PELI2: variants seen among roughly 807,000 people sequenced by gnomAD.
The protein encoded by PELI2 is E3 ubiquitin-protein ligase pellino homolog 2.
Under a neutral mutation model 42.3 loss-of-function variants are expected in PELI2, and 23 were observed. The ratio of observed to expected loss-of-function variants is 0.54; its 90% CI spans 0.39 to 0.77. The LOEUF is 0.77. PELI2 is among the 30% of genes least tolerant of loss of function. The pLI is 0.00. For missense variants in PELI2, 463 were observed against 553.2 expected, an observed-to-expected ratio of 0.84 and a Z score of 1.64; for synonymous variants, 245 against 212.2, an observed-to-expected ratio of 1.15 and a Z score of -1.34.
chr14:56,279,578 T>C (rs1436140356), intron 2 of PELI2, 98 bp from the exon 3 acceptor site: 2 of 630,898 alleles, frequency 3.2e-6, no homozygotes, highest in Admixed American at 2.4e-5. Flanking sequence ...TGGCTTGTGC[T>C]GGGCTTTGCC....
intron 1 of PELI2, among the ~76,000 whole-genome samples, chr14:56,173,278 G>A (rs1219663835): frequency 6.6e-6 from 1 of 152,102 alleles, no homozygotes; most frequent in Non-Finnish European, 1.5e-5. Flanking sequence ...TTAAAACCAG[G>A]GTTCTTACCT....
intron 2 of PELI2, among the ~76,000 whole-genome samples, chr14:56,238,376 C>A (rs4343188): frequency 0.42 from 63,849 of 152,014 alleles, 13,814 homozygotes; most frequent in South Asian, 0.53. Flanking sequence ...CATTAATTAG[C>A]ATTCCTGCTG....
intron 1 of PELI2, among the ~76,000 whole-genome samples, chr14:56,161,262 A>G (rs1398305395): frequency 3.4e-5 from 5 of 146,592 alleles, no homozygotes; most frequent in African/African-American, 7.5e-5. Context: ...AGTCCTTTTT[A>G]TTAGCATTTG....
At chr14:56,204,281 C>T (rs949764428) in intron 2 of PELI2, among the ~76,000 whole-genome samples, 1 of 152,080 alleles carries the variant, frequency 6.6e-6, no homozygotes, top group Non-Finnish European at 1.5e-5. Context: ...TGTTTTAGAC[C>T]GAATTGGTGG....
At chr14:56,220,182 C>G (rs1162472661) in intron 2 of PELI2, among the ~76,000 whole-genome samples, 1 of 152,180 alleles carries the variant, frequency 6.6e-6, no homozygotes, top group African/African-American at 2.4e-5. Flanking sequence ...CTCAGTGTGA[C>G]AGAGCACTGT....
At chr14:56,161,256 C>G (rs537441852) in intron 1 of PELI2, among the ~76,000 whole-genome samples, 1 of 150,118 alleles carries the variant, frequency 6.7e-6, no homozygotes, top group Non-Finnish European at 1.5e-5. Flanking sequence ...TTTCTAAGTC[C>G]TTTTTATTAG....
rs1364665256 is a variant in PELI2, at chr14:56,300,892, A to G, written c.*3726A>G. On this transcript the variant is annotated 3_prime_UTR_variant, in exon 6 of 6. Transcript: ENST00000267460. ...ATAATCTAAGCATCATTGAAGCAGT[A>G]ACACAAAAAAAAGGTTCAGTATTTT... The G allele has an allele frequency of 6.6e-6, 1 of 152,218 alleles. No homozygotes were observed. Among genetic ancestry groups the G allele is most frequent in the Non-Finnish European group, 1.5e-5 (1 of 68,030 alleles). 9.4% of individuals were successfully genotyped at this position (152,218 alleles called of 1,614,324 possible).
At chr14:56,218,610 A>T (rs975567408) in intron 2 of PELI2, among the ~76,000 whole-genome samples, 1 of 152,144 alleles carries the variant, frequency 6.6e-6, no homozygotes, top group Admixed American at 6.5e-5. Flanking sequence ...TCCCTAGGAG[A>T]TGGAAATGGA....
intron 1 of PELI2, among the ~76,000 whole-genome samples, chr14:56,149,571 C>T (rs566818844): frequency 2.0e-4 from 31 of 152,026 alleles, no homozygotes; most frequent in Non-Finnish European, 4.1e-4. Flanking sequence ...GGTTCAGTTT[C>T]CTTGGAGATT....
intron 2 of PELI2, among the ~76,000 whole-genome samples, chr14:56,217,599 G>A (rs1480597099): frequency 6.6e-6 from 1 of 152,162 alleles, no homozygotes; most frequent in African/African-American, 2.4e-5. Flanking sequence ...AGTTTTTGAG[G>A]TTTGCATTAA....
At chr14:56,236,262 C>T (rs1369090428) in intron 2 of PELI2, among the ~76,000 whole-genome samples, 2 of 152,160 alleles carry the variant, frequency 1.3e-5, no homozygotes, top group African/African-American at 2.4e-5. Flanking sequence ...ACCCACATAG[C>T]GTTATTCTAG....
At chr14:56,222,771 G>C (rs1018848408) in intron 2 of PELI2, among the ~76,000 whole-genome samples, 1 of 152,232 alleles carries the variant, frequency 6.6e-6, no homozygotes, top group African/African-American at 2.4e-5. Context: ...ACGCTAGGCT[G>C]TGTGGCGCAG....
chr14:56,129,512 A>G lies in PELI2; in HGVS notation c.77+10775A>G, dbSNP rs569937193. The stretch of plus-strand genomic sequence containing the variant: ...GAACTCTTTCCTGTTACCCATTCAG[A>G]CAACTGTGCCTCTGGAGCCTTGCTT... On this transcript the variant is annotated intron_variant, in intron 1 of 5. Transcript: ENST00000267460. Among the ~76,000 whole-genome samples, 3 of 152,318 alleles carry G rather than the reference A, an allele frequency of 2.0e-5. No homozygotes were observed. In the South Asian group the frequency reaches 6.2e-4, roughly 32 times the overall value.
chr14:56,211,802 C>CT lies in PELI2; in HGVS notation c.207+33348dup, dbSNP rs3837611. On this transcript the variant is annotated intron_variant, in intron 2 of 5. Coordinates refer to ENST00000267460, the MANE Select transcript of PELI2 (RefSeq NM_021255.3). ...GTGTGGAGATGCTATTTAAAAGGCT[C>CT]TTTTTTTTTTACTTTTTGGTATATC... is the stretch of plus-strand genomic sequence containing the variant. Among the ~76,000 whole-genome samples, 1,058 of 150,378 alleles carry CT rather than the reference C, an allele frequency of 7.0e-3. 12 individuals carry two copies. Among genetic ancestry groups the CT allele is most frequent in the African/African-American group, 0.024 (992 of 40,808 alleles).
intron 1 of PELI2, among the ~76,000 whole-genome samples, chr14:56,161,143 G>A (rs547782544): frequency 6.6e-5 from 10 of 152,312 alleles, no homozygotes; most frequent in African/African-American, 2.4e-4. Context: ...AGAATCACAC[G>A]TGTAAGACAT....
intron 1 of PELI2, among the ~76,000 whole-genome samples, chr14:56,140,460 C>G (rs933852303): frequency 6.6e-6 from 1 of 152,320 alleles, no homozygotes; most frequent in South Asian, 2.1e-4. Flanking sequence ...TTTGCCTTCA[C>G]AGTGAGGTCT....
intron 2 of PELI2, among the ~76,000 whole-genome samples, chr14:56,187,959 G>A (rs1046560090): frequency 1.3e-5 from 2 of 152,194 alleles, no homozygotes; most frequent in Admixed American, 6.5e-5. Context: ...GTGGACCTTC[G>A]CAGGGGGCGT....
At chr14:56,208,785 T>TA (rs1442541994) in intron 2 of PELI2, among the ~76,000 whole-genome samples, 1 of 152,254 alleles carries the variant, frequency 6.6e-6, no homozygotes, top group African/African-American at 2.4e-5. Context: ...GCAGTTGTTT[T>TA]ACTTGCAAGC....
chr14:56,283,148 G>A (rs1220446222), intron 3 of PELI2, among the ~76,000 whole-genome samples: 3 of 152,042 alleles, frequency 2.0e-5, no homozygotes, highest in East Asian at 1.9e-4. Flanking sequence ...AGTGTATTCC[G>A]CACTGTTGAA....
Sources: gnomAD v4.1 joint callset for allele counts (sites outside exome capture counted in the v4.1 genomes callset) on GRCh38, gnomAD v4.1.1 for gene constraint, MANE v1.5 for transcripts, NCBI Gene and HGNC (gene_info 2026-07-23, HGNC 2026-07-21) for gene names.